Variants in LRRTM4 observed in about 807,000 individuals in gnomAD.
LRRTM4 encodes leucine rich repeat transmembrane neuronal 4.
A neutral mutation model predicts 47.6 loss-of-function variants in LRRTM4; 25 were observed. That is an observed-to-expected ratio of 0.53 (90% confidence interval 0.38 to 0.73). The LOEUF is 0.73. Ranked by LOEUF, LRRTM4 falls within the 30% of genes least tolerant of loss-of-function variation. The pLI, the probability that LRRTM4 is intolerant of heterozygous loss-of-function variation, is 0.00. For missense variants in LRRTM4, 638 were observed against 713.4 expected, an observed-to-expected ratio of 0.89 and a Z score of 1.20; for synonymous variants, 311 against 269.5, an observed-to-expected ratio of 1.15 and a Z score of -1.51.
Position 77,330,998 on chromosome 2 carries a change from T to C in LRRTM4, c.1551+187320A>G, listed in dbSNP as rs533920166. On this transcript the variant is annotated intron_variant, in intron 3 of 3. Transcript: ENST00000409884. ...AGATTTATATGTATATATATTGTTA[T>C]TCATTAAGTATGTCTGTGTGAAGGT... Among the ~76,000 whole-genome samples, 157 of 152,286 alleles carry C rather than the reference T, an allele frequency of 1.0e-3. 1 individual carries two copies. The highest frequency in any genetic ancestry group is 3.4e-3 in the African/African-American group (142 of 41,570).
At chr2:76,768,787 C>T (rs184470123) in intron 3 of LRRTM4, among the ~76,000 whole-genome samples, 24 of 152,210 alleles carry the variant, frequency 1.6e-4, no homozygotes, top group East Asian at 3.9e-4. Flanking sequence ...CTAGGCATTG[C>T]GGAGACTTCA....
intron 3 of LRRTM4, among the ~76,000 whole-genome samples, chr2:76,784,768 G>C (rs62172100): frequency 0.12 from 18,580 of 152,026 alleles, 1,455 homozygotes; most frequent in Non-Finnish European, 0.18. Flanking sequence ...ATGTTGTCAA[G>C]ATTGAATTCT....
intron 3 of LRRTM4, among the ~76,000 whole-genome samples, chr2:76,901,536 C>A (rs377724300): frequency 6.6e-6 from 1 of 151,838 alleles, no homozygotes; most frequent in African/African-American, 2.4e-5. Context: ...ATTTTGCTGA[C>A]CATGGAAGGC....
At chr2:77,324,924 G>T (rs12617746) in intron 3 of LRRTM4, among the ~76,000 whole-genome samples, 25,542 of 152,054 alleles carry the variant, frequency 0.17, 2,644 homozygotes, top group East Asian at 0.42. Flanking sequence ...ATAAAGGAAG[G>T]TAGCTGAATC....
chr2:77,208,402 G>T (rs1020050984), intron 3 of LRRTM4, among the ~76,000 whole-genome samples: 1 of 152,040 alleles, frequency 6.6e-6, no homozygotes, highest in African/African-American at 2.4e-5. Context: ...TTTGAAGAAG[G>T]AATTTCTTCT....
At chr2:77,316,787 C>G (rs1417547173) in intron 3 of LRRTM4, among the ~76,000 whole-genome samples, 1 of 152,146 alleles carries the variant, frequency 6.6e-6, no homozygotes, top group Admixed American at 6.5e-5. Flanking sequence ...CTCAAACGAT[C>G]CACCTGCCTT....
chr2:77,367,410 G>A (rs1283123995), intron 3 of LRRTM4, among the ~76,000 whole-genome samples: 1 of 151,458 alleles, frequency 6.6e-6, no homozygotes, highest in Non-Finnish European at 1.5e-5. Context: ...TTTTCTACTT[G>A]AATTATTAAC....
intron 3 of LRRTM4, among the ~76,000 whole-genome samples, chr2:76,903,401 T>A (rs535739174): frequency 6.6e-6 from 1 of 151,886 alleles, no homozygotes; most frequent in Admixed American, 6.6e-5. Flanking sequence ...CCAGGTGTGG[T>A]GGCGGGCGCC....
At chr2:76,933,472 C>G (rs1674840366) in intron 3 of LRRTM4, among the ~76,000 whole-genome samples, 1 of 151,762 alleles carries the variant, frequency 6.6e-6, no homozygotes, top group Non-Finnish European at 1.5e-5. Flanking sequence ...AAAGTAATTT[C>G]AAAAAGGTAA....
chr2:76,919,759 C>T (rs1471899893), intron 3 of LRRTM4, among the ~76,000 whole-genome samples: 1 of 152,160 alleles, frequency 6.6e-6, no homozygotes, highest in Non-Finnish European at 1.5e-5. Flanking sequence ...TTAACTGACA[C>T]AGCATCCAAT....
intron 3 of LRRTM4, among the ~76,000 whole-genome samples, chr2:76,786,086 CATTTTCAA>C (rs1378336438): frequency 1.1e-4 from 17 of 152,230 alleles, no homozygotes; most frequent in African/African-American, 3.1e-4. Flanking sequence ...TACATTTTCA[CATTTTCAA>C]CCCTCACCTC....
intron 3 of LRRTM4, among the ~76,000 whole-genome samples, chr2:77,244,443 T>C (rs917420533): frequency 1.3e-5 from 2 of 151,292 alleles, no homozygotes; most frequent in Admixed American, 1.3e-4. Flanking sequence ...TCTAATGTTA[T>C]TATCATTAAC....
At chr2:77,193,054 C>G (rs1446996219) in intron 3 of LRRTM4, among the ~76,000 whole-genome samples, 1 of 152,116 alleles carries the variant, frequency 6.6e-6, no homozygotes, top group Non-Finnish European at 1.5e-5. Context: ...TGAAAAATGT[C>G]TACTGCTTAG....
chr2:77,474,560 TTAAGA>T (rs1276946479), intron 3 of LRRTM4, among the ~76,000 whole-genome samples: 9 of 152,074 alleles, frequency 5.9e-5, no homozygotes, highest in African/African-American at 1.9e-4. Context: ...ATAAATTAAA[TTAAGA>T]TAATAGATTG....
chr2:77,108,642 GGC>G (rs1671165004), intron 3 of LRRTM4, among the ~76,000 whole-genome samples: 1 of 146,424 alleles, frequency 6.8e-6, no homozygotes, highest in Non-Finnish European at 1.5e-5. Context: ...GGAGTGCAGT[GGC>G]GGGATCTGGG....
intron 3 of LRRTM4, among the ~76,000 whole-genome samples, chr2:76,890,288 T>C (rs1673211722): frequency 6.6e-6 from 1 of 151,966 alleles, no homozygotes; most frequent in South Asian, 2.1e-4. Context: ...TTTTAGTCCA[T>C]AGGCTATTAC....
chr2:77,349,148 C>T (rs1337139308), intron 3 of LRRTM4, among the ~76,000 whole-genome samples: 1 of 151,496 alleles, frequency 6.6e-6, no homozygotes, highest in African/African-American at 2.4e-5. Flanking sequence ...GAGATAATAC[C>T]TATTTTGGTG....
Position 76,748,433 on chromosome 2 carries a change from A to T in LRRTM4, c.*262T>A. The T allele has an allele frequency of 2.0e-6, 1 of 489,282 alleles. No homozygotes were observed. Among genetic ancestry groups the T allele is most frequent in the South Asian group, 2.5e-5 (1 of 40,730 alleles). 30.3% of individuals were successfully genotyped at this position (489,282 alleles called of 1,614,324 possible). A position where few individuals can be genotyped will look rare whatever the true frequency, so the allele number is the denominator to read the frequency against. On this transcript the variant is annotated 3_prime_UTR_variant, in exon 4 of 4. Coordinates refer to ENST00000409884, the MANE Select transcript of LRRTM4 (RefSeq NM_001134745.3). Reference sequence around the variant, plus strand: ...ATTTTTATAAGAACTTGACACTCTTACTATTTACATCCGGGAGCATTTTTG... The same window carrying T: ...ATTTTTATAAGAACTTGACACTCTTTCTATTTACATCCGGGAGCATTTTTG...
intron 3 of LRRTM4, among the ~76,000 whole-genome samples, chr2:77,430,957 A>G (rs1238231246): frequency 6.7e-6 from 1 of 148,610 alleles, no homozygotes; most frequent in African/African-American, 2.6e-5. Flanking sequence ...TTCTGGATCC[A>G]GGACACCTTT....
Sources: gnomAD v4.1 joint callset for allele counts (sites outside exome capture counted in the v4.1 genomes callset) on GRCh38, gnomAD v4.1.1 for gene constraint, MANE v1.5 for transcripts, NCBI Gene and HGNC (gene_info 2026-07-23, HGNC 2026-07-21) for gene names.